Variants in NDNF observed in about 807,000 individuals in gnomAD.
NDNF encodes the protein neuron derived neurotrophic factor.
A neutral mutation model predicts 42.0 loss-of-function variants in NDNF; 16 were observed. That is an observed-to-expected ratio of 0.38 (90% CI 0.26 to 0.58). NDNF has a LOEUF of 0.58. Ranked by LOEUF, NDNF falls within the 20% of genes least tolerant of loss-of-function variation. NDNF has a pLI of 0.67. For missense variants in NDNF, 616 were observed against 666.2 expected (o/e 0.92, Z 0.83); for synonymous variants, 248 against 251.7 (o/e 0.99, Z 0.14).
chr4:121,039,837 C>T (rs1297843959), intron 3 of NDNF, 93 bp downstream of exon 3: 12 of 1,427,740 alleles, frequency 8.4e-6, no homozygotes, highest in Non-Finnish European at 1.1e-5. Flanking sequence ...ACCCATGCTG[C>T]CTTTTCTTAC....
intron 3 of NDNF, 45 bp from the exon 4 acceptor site, chr4:121,037,702 T>C: frequency 1.1e-5 from 16 of 1,442,884 alleles, no homozygotes; most frequent in Non-Finnish European, 1.5e-5. Context: ...GGGCATACAC[T>C]GTGGCTTGCC....
chr4:121,038,679 A>G (rs962308944), intron 3 of NDNF, among the ~76,000 whole-genome samples: 1 of 152,074 alleles, frequency 6.6e-6, no homozygotes, highest in African/African-American at 2.4e-5. Flanking sequence ...CACAATCATC[A>G]AACAGATATA....
rs766787215 is a variant in NDNF, at chr4:121,036,917, C to T, written c.1054G>A (p.Asp352Asn). The change falls in exon 4 of 4, where the codon GAT becomes AAT. Residue 352 changes from aspartate to asparagine, a missense_variant. Asp to Asn is a conservative substitution (Grantham distance 23, BLOSUM62 1). Coordinates refer to ENST00000379692, the MANE Select transcript of NDNF (RefSeq NM_024574.4). The stretch of plus-strand genomic sequence containing the variant: ...GCTCCCTTCCTTTTAACAAATACAT[C>T]TGTTATCTTCCCATCTTTTAGCTCG... ...TVELKDGKIT[D>N]VFVKRKGAKF... 3.1e-6 allele frequency: 5 copies of T among 1,613,970 alleles called. No individual in the cohort carries two copies. The East Asian group carries it at 8.9e-5, about 29-fold the overall frequency.
rs377087639 is a variant in NDNF, at chr4:121,039,215, T to G, written c.313+715A>C. Among the ~76,000 whole-genome samples, 289 of 41,140 alleles carry G rather than the reference T, an allele frequency of 7.0e-3. 7 individuals are homozygous for G. Among genetic ancestry groups the G allele is most frequent in the African/African-American group, 0.011 (269 of 24,096 alleles). The allele number at this position is 41,140 out of a possible 152,430, so 27.0% of individuals were successfully genotyped here. A position where few individuals can be genotyped will look rare whatever the true frequency, so the allele number is the denominator to read the frequency against. ...GTGTATATATATATATATATATATA[T>G]ATATATATATATATATATATAAAGA... On this transcript the variant is annotated intron_variant, in intron 3 of 3. Coordinates refer to ENST00000379692, the MANE Select transcript of NDNF (RefSeq NM_024574.4).
At chr4:121,039,823 G>C in intron 3 of NDNF, 107 bp downstream of exon 3, 1 of 1,292,632 alleles carries the variant, frequency 7.7e-7, no homozygotes, top group Non-Finnish European at 1.0e-6. Flanking sequence ...AGATTCACTT[G>C]TGCACCCATG....
chr4:121,055,035 C>T (rs771920144), intron 1 of NDNF, among the ~76,000 whole-genome samples: 12 of 151,804 alleles, frequency 7.9e-5, no homozygotes, highest in Non-Finnish European at 7.4e-5. Flanking sequence ...GATCTTGCCA[C>T]GTTGCCCAGG....
chr4:121,039,989 G>T lies in NDNF; in HGVS notation c.254C>A (p.Pro85His). The change falls in exon 3 of 4, where the codon CCT (proline) becomes CAT (histidine). Residue 85 changes from proline to histidine, a missense_variant. Pro to His is a moderately conservative substitution (Grantham distance 77). Coordinates refer to ENST00000379692, the MANE Select transcript of NDNF (RefSeq NM_024574.4). ...CTGGAGGCTCAGCTTCCACTCCAAA[G>T]GCGCATCACAGGGCGTCACTGTGAC... ...LSVTVTPCDA[P>H]LEWKLSLQEL... The T allele has an allele frequency of 1.2e-6, 2 of 1,614,034 alleles. No homozygotes were observed. The highest frequency in any genetic ancestry group is 1.7e-6 in the Non-Finnish European group (2 of 1,179,974).
chr4:121,065,428 T>C (rs2148772629), intron 1 of NDNF, among the ~76,000 whole-genome samples: 1 of 152,020 alleles, frequency 6.6e-6, no homozygotes, highest in Non-Finnish European at 1.5e-5. Flanking sequence ...TTAGAGGCAA[T>C]GGGCAACCTT....
At chr4:121,057,598 A>C (rs1030438652) in intron 1 of NDNF, among the ~76,000 whole-genome samples, 1 of 152,176 alleles carries the variant, frequency 6.6e-6, no homozygotes, top group Non-Finnish European at 1.5e-5. Context: ...AACGGATTAG[A>C]GGCTCTCCGG....
rs372865079 is a variant in NDNF at position 121,037,139 on chromosome 4, G to A, written c.832C>T (p.Arg278Cys). Residue 278 changes from arginine to cysteine, a missense_variant, in exon 4 of 4, where the codon CGT (arginine) becomes TGT (cysteine). Physicochemically the swap from Arg to Cys is radical, Grantham distance 180 (BLOSUM62 -3). Coordinates refer to ENST00000379692, the MANE Select transcript of NDNF (RefSeq NM_024574.4). The stretch of plus-strand genomic sequence containing the variant: ...ACCTTGGGCCTGGAGTAGACATGAC[G>A]CCCCAGTTTTGGAGAAGGCTTTGCC... ...FQAKPSPKLGRHVYSRPKVDI... is the reference protein window; with the variant it reads ...FQAKPSPKLGCHVYSRPKVDI... 1.1e-4 allele frequency: 177 copies of A among 1,613,806 alleles called. No homozygotes were observed. The highest frequency in any genetic ancestry group is 2.0e-4 in the African/African-American group (15 of 74,858).
intron 1 of NDNF, among the ~76,000 whole-genome samples, chr4:121,070,500 G>A (rs1283016057): frequency 6.6e-6 from 1 of 152,082 alleles, no homozygotes; most frequent in East Asian, 1.9e-4. Flanking sequence ...CGGGTGGGAG[G>A]AGGAGAGGAG....
chr4:121,037,868 T>C, intron 3 of NDNF: 1 of 410,608 alleles, frequency 2.4e-6, no homozygotes, highest in Non-Finnish European at 4.3e-6. Flanking sequence ...GAATATAAAT[T>C]ATTTCTTCAG....
At chr4:121,046,467 T>C (rs1727095219) in intron 1 of NDNF, among the ~76,000 whole-genome samples, 1 of 152,220 alleles carries the variant, frequency 6.6e-6, no homozygotes, top group Non-Finnish European at 1.5e-5. Flanking sequence ...GTCAAGGATT[T>C]TTATAAATCA....
intron 1 of NDNF, chr4:121,061,258 G>T (rs900972642): frequency 6.6e-6 from 1 of 152,626 alleles, no homozygotes; most frequent in African/African-American, 2.4e-5. Context: ...TTGTTTGGAG[G>T]TTCTGGCAGG....
intron 1 of NDNF, among the ~76,000 whole-genome samples, chr4:121,057,624 C>A (rs1727320115): frequency 6.6e-6 from 1 of 152,200 alleles, no homozygotes; most frequent in Admixed American, 6.5e-5. Flanking sequence ...CCAGCCAGTC[C>A]CCATTGTCAG....
At chr4:121,048,847 A>G (rs140075284) in intron 1 of NDNF, among the ~76,000 whole-genome samples, 34 of 152,334 alleles carry the variant, frequency 2.2e-4, no homozygotes, top group Admixed American at 1.1e-3. Flanking sequence ...AAAAGAAAAA[A>G]AAATCTGAGA....
At chr4:121,051,570 A>G (rs1445332521) in intron 1 of NDNF, among the ~76,000 whole-genome samples, 1 of 152,170 alleles carries the variant, frequency 6.6e-6, no homozygotes, top group African/African-American at 2.4e-5. Context: ...TATCATCACA[A>G]AAAAGCACAA....
chr4:121,036,957 G>A lies in NDNF; in HGVS notation c.1014C>T (p.Ala338=). The A allele has an allele frequency of 6.2e-7, 1 of 1,613,834 alleles. No homozygotes were observed. Among genetic ancestry groups the A allele is most frequent in the Non-Finnish European group, 8.5e-7 (1 of 1,179,984 alleles). ...CTTTTAGCTCGACTGTCTTCTGTTT[G>A]GCTTCTTCCTTGGTCCTGGCAAAGG... The part of the protein sequence containing the change: ...VGTFARTKEE[A]KQKTVELKDG... The change falls in exon 4 of 4, where the codon GCC becomes GCT. Residue 338 remains alanine, a synonymous_variant. Transcript: ENST00000379692.
intron 1 of NDNF, among the ~76,000 whole-genome samples, chr4:121,069,001 A>G (rs1201358380): frequency 6.6e-6 from 1 of 152,240 alleles, no homozygotes; most frequent in Non-Finnish European, 1.5e-5. Context: ...AGAAATAAAT[A>G]TAGGAAGAGA....
Sources: gnomAD v4.1 joint callset for allele counts (sites outside exome capture counted in the v4.1 genomes callset) on GRCh38, gnomAD v4.1.1 for gene constraint, MANE v1.5 for transcripts, NCBI Gene and HGNC (gene_info 2026-07-23, HGNC 2026-07-21) for gene names.